The following CDK5RAP2 variants were observed in gnomAD, a reference collection of about 807,000 sequenced individuals.
CDK5RAP2 encodes CDK5 regulatory subunit-associated protein 2.
A neutral mutation model predicts 232.9 loss-of-function variants in CDK5RAP2; 147 were observed. The ratio of observed to expected loss-of-function variants is 0.63; its 90% CI spans 0.55 to 0.72. CDK5RAP2 has a LOEUF of 0.72. Ranked by LOEUF, CDK5RAP2 falls within the 30% of genes least tolerant of loss-of-function variation. The probability of loss-of-function intolerance (pLI) is 0.00; values close to 1 mark genes in which losing one functional copy is unlikely to be tolerated. For synonymous variants in CDK5RAP2, 833 were observed against 833.7 expected, an observed-to-expected ratio of 1.00 and a Z score of 0.01; for missense variants, 2,195 against 2,231.5, an observed-to-expected ratio of 0.98 and a Z score of 0.33.
chr9:120,417,286 G>A (rs937021334), intron 27 of CDK5RAP2, among the ~76,000 whole-genome samples: 3 of 144,396 alleles, frequency 2.1e-5, no homozygotes, highest in Non-Finnish European at 4.5e-5. Flanking sequence ...GCACCTCCAC[G>A]CTCCTTAAAC....
intron 22 of CDK5RAP2, among the ~76,000 whole-genome samples, chr9:120,445,414 C>T (rs1198909125): frequency 6.6e-6 from 1 of 152,174 alleles, no homozygotes; most frequent in Non-Finnish European, 1.5e-5. Context: ...AACTGCCTTC[C>T]TTCTCTACAT....
At chr9:120,445,352 A>G (rs989315248) in intron 22 of CDK5RAP2, among the ~76,000 whole-genome samples, 4 of 152,130 alleles carry the variant, frequency 2.6e-5, no homozygotes, top group Admixed American at 6.5e-5. Flanking sequence ...GTAATCATCC[A>G]TGGTCCCCTG....
intron 14 of CDK5RAP2, among the ~76,000 whole-genome samples, chr9:120,486,614 G>A (rs1167971472): frequency 3.3e-5 from 5 of 152,122 alleles, no homozygotes; most frequent in African/African-American, 9.7e-5. Context: ...CAGGTGAGAG[G>A]AAGCGGAAAG....
intron 2 of CDK5RAP2, among the ~76,000 whole-genome samples, 163 bp from the exon 3 acceptor site, chr9:120,568,551 G>T (rs942969392): frequency 4.6e-5 from 7 of 152,194 alleles, no homozygotes; most frequent in Non-Finnish European, 1.0e-4. Flanking sequence ...TCCAGGGAAA[G>T]CTCTAAACCA....
chr9:120,451,322 C>T (rs1486954732), intron 21 of CDK5RAP2, among the ~76,000 whole-genome samples: 1 of 152,186 alleles, frequency 6.6e-6, no homozygotes, highest in Non-Finnish European at 1.5e-5. Context: ...GTACTAGACA[C>T]TTGCCAAAGG....
chr9:120,437,665 T>C (rs1378477329), intron 24 of CDK5RAP2, 138 bp from the exon 25 acceptor site: 2 of 679,768 alleles, frequency 2.9e-6, no homozygotes, highest in African/African-American at 1.8e-5. Context: ...TTAGAAAAAT[T>C]GAAACTGTAC....
chr9:120,417,164 CCCA>C (rs1473979892), intron 27 of CDK5RAP2, among the ~76,000 whole-genome samples: 1 of 151,530 alleles, frequency 6.6e-6, no homozygotes, highest in Non-Finnish European at 1.5e-5. Context: ...ACTGCACCTC[CCCA>C]CGCCTTAAAC....
At chr9:120,532,653 G>A (rs1252805983) in intron 7 of CDK5RAP2, 2 of 152,516 alleles carry the variant, frequency 1.3e-5, no homozygotes, top group Non-Finnish European at 2.9e-5. Context: ...ACCACAAAGA[G>A]GGCCACACCC....
intron 4 of CDK5RAP2, among the ~76,000 whole-genome samples, chr9:120,547,806 T>G (rs1309232648): frequency 6.6e-6 from 1 of 152,178 alleles, no homozygotes; most frequent in African/African-American, 2.4e-5. Flanking sequence ...AGTCAGTGGC[T>G]CCTCACTTAC....
At chr9:120,447,011 C>T (rs765702317) in intron 22 of CDK5RAP2, among the ~76,000 whole-genome samples, 2 of 152,152 alleles carry the variant, frequency 1.3e-5, no homozygotes, top group Non-Finnish European at 2.9e-5. Flanking sequence ...AGAATGTAAG[C>T]TAGACAAAGA....
chr9:120,406,520 T>C (rs935232186), intron 32 of CDK5RAP2: 1 of 159,750 alleles, frequency 6.3e-6, no homozygotes, highest in African/African-American at 2.4e-5. Context: ...TAGAGGTGTC[T>C]GGTCCTCTTT....
At chr9:120,449,062 A>C (rs952906027) in intron 21 of CDK5RAP2, among the ~76,000 whole-genome samples, 1 of 152,196 alleles carries the variant, frequency 6.6e-6, no homozygotes, top group African/African-American at 2.4e-5. Context: ...AAAGGTCAAC[A>C]TCCATACCAC....
intron 1 of CDK5RAP2, among the ~76,000 whole-genome samples, 198 bp from the exon 2 acceptor site, chr9:120,572,239 G>A (rs141728137): frequency 6.6e-6 from 1 of 152,164 alleles, no homozygotes; most frequent in Non-Finnish European, 1.5e-5. Context: ...TGATAGCTGA[G>A]TGACCTTCAG....
intron 29 of CDK5RAP2, among the ~76,000 whole-genome samples, chr9:120,410,941 G>A (rs958633406): frequency 6.6e-6 from 1 of 152,236 alleles, no homozygotes; most frequent in African/African-American, 2.4e-5. Context: ...AAGAAGTACA[G>A]GATAAACTTT....
rs970867931 is a variant in CDK5RAP2, at chr9:120,403,992, T to C, written c.5041+44A>G. On this transcript the variant is annotated intron_variant, in intron 33 of 37. Coordinates refer to ENST00000349780, the MANE Select transcript of CDK5RAP2 (RefSeq NM_018249.6). This position sits in a 1 kb window ranked among gnomAD's most constrained non-coding sequence, Gnocchi z 4.2. ...TTCTGCAAGTTAAAAAGTCTTACTG[T>C]CACATCCAATGCTCCCACAGTTACC... 2.3e-5 allele frequency: 30 copies of C among 1,321,870 alleles called. No homozygotes were observed. The highest frequency in any genetic ancestry group is 3.1e-5 in the Non-Finnish European group (28 of 913,622). 81.9% of individuals were successfully genotyped at this position (1,321,870 alleles called of 1,614,324 possible). A position where few individuals can be genotyped will look rare whatever the true frequency, so the allele number is the denominator to read the frequency against.
At chr9:120,566,265 A>G (rs1322250679) in intron 3 of CDK5RAP2, among the ~76,000 whole-genome samples, 1 of 152,252 alleles carries the variant, frequency 6.6e-6, no homozygotes, top group Non-Finnish European at 1.5e-5. Context: ...AGTGATTCAT[A>G]AAGACCTGAA....
chr9:120,578,398 G>C (rs2043114754), intron 1 of CDK5RAP2, among the ~76,000 whole-genome samples: 1 of 152,110 alleles, frequency 6.6e-6, no homozygotes, highest in Non-Finnish European at 1.5e-5. Context: ...ATAGAAAAGG[G>C]CATGATGAAA....
At chr9:120,530,216 G>T in intron 7 of CDK5RAP2, 76 bp from the exon 8 acceptor site, 3 of 1,082,694 alleles carry the variant, frequency 2.8e-6, no homozygotes, top group Non-Finnish European at 2.8e-6. Flanking sequence ...GGAAGGAAAT[G>T]GGGCCAGATA....
intron 6 of CDK5RAP2, among the ~76,000 whole-genome samples, chr9:120,538,174 A>G (rs774318349): frequency 6.6e-6 from 1 of 152,242 alleles, no homozygotes; most frequent in African/African-American, 2.4e-5. Context: ...CCTAATAGCT[A>G]CATAACCCCA....
Sources: allele counts gnomAD v4.1 joint callset (sites outside exome capture counted in the v4.1 genomes callset), GRCh38; gene constraint gnomAD v4.1.1; non-coding constraint Gnocchi (gnomAD v3.1); transcripts MANE v1.5; gene names NCBI Gene and HGNC (gene_info 2026-07-23, HGNC 2026-07-21).